Variants in LRP4 observed in about 807,000 individuals in gnomAD.
LRP4 encodes the protein LDL receptor related protein 4, also known as low-density lipoprotein receptor-related protein 4.
LRP4 carries 95 observed loss-of-function variants against 220.3 expected under a neutral mutation model. That is an observed-to-expected ratio of 0.43 (90% CI 0.37 to 0.51). The LOEUF is 0.51. LRP4 is among the 20% of genes least tolerant of loss of function. LRP4 has a pLI of 0.00. For missense variants in LRP4, 1,925 were observed against 2,567.0 expected, an observed-to-expected ratio of 0.75 and a Z score of 5.40; for synonymous variants, 903 against 954.6, an observed-to-expected ratio of 0.95 and a Z score of 1.00.
rs941528413 is a variant in LRP4 at position 46,869,370 on chromosome 11, C to G, written c.4693-238G>C. ...CACCTTATAGTCACTTGCCCAAGTA[C>G]ATTTTTACACTCAAGCAATTTGTTT... On this transcript the variant is annotated intron_variant, in intron 31 of 37. Coordinates refer to ENST00000378623, the MANE Select transcript of LRP4 (RefSeq NM_002334.4). 3.3e-5 allele frequency among the ~76,000 whole-genome samples: 5 copies of G among 152,198 alleles called. 1 individual carries two copies. Among genetic ancestry groups the G allele is most frequent in the Admixed American group, 1.3e-4 (2 of 15,280 alleles).
At chr11:46,868,939 AC>A (rs1337749968) in intron 32 of LRP4, 48 bp downstream of exon 32, 2 of 1,613,312 alleles carry the variant, frequency 1.2e-6, no homozygotes, top group Admixed American at 1.7e-5. Flanking sequence ...GGGTTGACCG[AC>A]CAATCCCACA....
intron 1 of LRP4, among the ~76,000 whole-genome samples, chr11:46,904,514 T>C (rs1320618793): frequency 9.1e-5 from 12 of 131,270 alleles, no homozygotes; most frequent in Non-Finnish European, 1.6e-4. Flanking sequence ...GACAGACGGA[T>C]GGATGGATGG....
Position 46,889,376 on chromosome 11 carries a change from G to A in LRP4, c.2215+35C>T, listed in dbSNP as rs1941369476. The stretch of plus-strand genomic sequence containing the variant: ...GTTCCTTCTCCCCATCCTCACAACA[G>A]CCTCCATGGAGGCTGGTGTTGCAGA... On this transcript the variant is annotated intron_variant, in intron 16 of 37. Coordinates refer to ENST00000378623, the MANE Select transcript of LRP4 (RefSeq NM_002334.4). 4 of 1,612,830 alleles carry A rather than the reference G, an allele frequency of 2.5e-6. No individual in the cohort carries two copies. In the East Asian group the frequency reaches 8.9e-5, roughly 36 times the overall value.
At chr11:46,900,972 T>A (rs1211716932) in intron 2 of LRP4, among the ~76,000 whole-genome samples, 1 of 152,048 alleles carries the variant, frequency 6.6e-6, no homozygotes, top group African/African-American at 2.4e-5. Context: ...TTGTGTGTAT[T>A]TTTAGTAGAG....
chr11:46,862,887 TC>T lies in LRP4; in HGVS notation c.5244-141del. 5 of 735,544 alleles carry T rather than the reference TC, an allele frequency of 6.8e-6. No individual in the cohort carries two copies. The Middle Eastern group carries it at 9.3e-4, about 137-fold the overall frequency. 45.6% of individuals were successfully genotyped at this position (735,544 alleles called of 1,614,324 possible). ...TTCCTGGTACTCATGCCCTTAAGAATCCCCTCCCCTTGAGTGTGGACTGTTC... is the reference window on the plus strand; with the variant it reads ...TTCCTGGTACTCATGCCCTTAAGAATCCCTCCCCTTGAGTGTGGACTGTTC... On this transcript the variant is annotated intron_variant, in intron 36 of 37. Transcript: ENST00000378623.
chr11:46,888,564 A>AG (rs1941350947), intron 16 of LRP4, among the ~76,000 whole-genome samples: 2 of 133,990 alleles, frequency 1.5e-5, no homozygotes, highest in African/African-American at 3.6e-5. Context: ...AAAAAAAAAA[A>AG]AAAAAAAAAG....
At chr11:46,916,161 G>A (rs1438547148) in intron 1 of LRP4, among the ~76,000 whole-genome samples, 7 of 152,094 alleles carry the variant, frequency 4.6e-5, no homozygotes, top group South Asian at 2.1e-4. Flanking sequence ...AACCTGGGCC[G>A]GACACAGTGG....
chr11:46,884,514 A>C (rs1292711620), intron 18 of LRP4, among the ~76,000 whole-genome samples: 1 of 152,008 alleles, frequency 6.6e-6, no homozygotes, highest in Non-Finnish European at 1.5e-5. Context: ...AGGCGGGTGG[A>C]TCACGAGATT....
chr11:46,877,427 C>G, intron 22 of LRP4, 88 bp from the exon 23 acceptor site: 1 of 1,352,142 alleles, frequency 7.4e-7, no homozygotes, highest in East Asian at 2.3e-5. Context: ...CATGCCCTGT[C>G]CCTGCTAGTT....
chr11:46,878,925 C>A lies in LRP4; in HGVS notation c.3118G>T (p.Gly1040Cys). ...CPTGINLLSD[G>C]KTCSPGMNSF... is the part of the protein sequence containing the mutation. Reference sequence around the variant, plus strand: ...CACTCACCTGGTGAGCAGGTCTTGCCATCAGACAGCAGGTTGATGCCTGTG... The same window carrying A: ...CACTCACCTGGTGAGCAGGTCTTGCAATCAGACAGCAGGTTGATGCCTGTG... Residue 1040 changes from glycine to cysteine, a missense_variant, in exon 22 of 38, where the codon GGC becomes TGC. Around this residue, in one of 3 missense-constraint regions of LRP4, gnomAD observed 1,244 missense variants for 1,624.9 expected, o/e 0.77. Transcript: ENST00000378623. The A allele has an allele frequency of 6.2e-7, 1 of 1,614,164 alleles. No homozygotes were observed.
chr11:46,905,809 GC>G (rs1941750093), intron 1 of LRP4, among the ~76,000 whole-genome samples: 1 of 149,800 alleles, frequency 6.7e-6, no homozygotes, highest in Non-Finnish European at 1.5e-5. Context: ...GGGAGATCAT[GC>G]CATTGCACTC....
intron 10 of LRP4, 66 bp downstream of exon 10, chr11:46,895,818 C>T (rs1220074033): frequency 4.4e-6 from 7 of 1,600,454 alleles, no homozygotes; most frequent in Non-Finnish European, 5.9e-6. Context: ...CCATAGGAAA[C>T]ACAGCTGCCT....
rs753676430 is a variant in LRP4, at chr11:46,873,377, C to T, written c.4446G>A (p.Lys1482=). The stretch of plus-strand genomic sequence containing the variant: ...TCTTCTGCTGGCCATAAACTTACCC[C>T]TTCCTGGGGAAAACAGCAATGGCCC... ...EPRAIAVFPR[K]GYLFWTDWGH... Residue 1482 remains lysine (K), a splice_region_variant and synonymous_variant, in exon 29 of 38, where the codon AAG becomes AAA. Coordinates refer to ENST00000378623, the MANE Select transcript of LRP4 (RefSeq NM_002334.4). The surrounding 1 kb of genome is among the most constrained non-coding windows in gnomAD (Gnocchi z 4.2). The T allele has an allele frequency of 6.2e-7, 1 of 1,614,168 alleles. No individual in the cohort carries two copies. Among genetic ancestry groups the T allele is most frequent in the African/African-American group, 1.3e-5 (1 of 75,064 alleles).
Position 46,890,200 on chromosome 11 carries a change from C to T in LRP4, c.1915+77G>A. The T allele has an allele frequency of 1.2e-6, 2 of 1,607,268 alleles. No homozygotes were observed. The highest frequency in any genetic ancestry group is 8.5e-7 in the Non-Finnish European group (1 of 1,174,036). On this transcript the variant is annotated intron_variant, in intron 14 of 37. Coordinates refer to ENST00000378623, the MANE Select transcript of LRP4 (RefSeq NM_002334.4). The surrounding 1 kb of genome is among the most constrained non-coding windows in gnomAD (Gnocchi z 5.3). Reference sequence around the variant, plus strand: ...GCCCAGGCCTGGCAACTACACAAAACCTCTACCAAGGCTCCTGGGGGGCAG... The same window carrying T: ...GCCCAGGCCTGGCAACTACACAAAATCTCTACCAAGGCTCCTGGGGGGCAG...
chr11:46,887,957 GTGAGC>G (rs1408463382), intron 16 of LRP4, among the ~76,000 whole-genome samples: 5 of 137,024 alleles, frequency 3.6e-5, no homozygotes, highest in Admixed American at 3.2e-4. Flanking sequence ...CGAAGCTGCA[GTGAGC>G]ACTGTTTACA....
chr11:46,874,923 AGT>A lies in LRP4; in HGVS notation c.4104_4105del (p.Leu1369GlyfsTer4). 6.2e-7 allele frequency: 1 copy of A among 1,614,214 alleles called. No homozygotes were observed. On this transcript the variant is annotated frameshift_variant, in exon 28 of 38. Transcript: ENST00000378623. LOFTEE classifies it high-confidence loss of function. ...CACATCGGTGTGGTCACTGGTGTCCAGTGAGATACGCCGGATGGAGCCACGGC... is the reference window on the plus strand; with the variant it reads ...CACATCGGTGTGGTCACTGGTGTCCAGAGATACGCCGGATGGAGCCACGGC...
chr11:46,897,978 A>ATTGTCTTGTTTTTTGAGATGTCATCT, intron 7 of LRP4, among the ~76,000 whole-genome samples: 1 of 150,572 alleles, frequency 6.6e-6, no homozygotes, highest in South Asian at 2.1e-4. Flanking sequence ...CACCTCCCGG[A>ATTGTCTTGTTTTTTGAGATGTCATCT]CGGGGCGGCT....
In LRP4 at chr11:46,875,298, T is replaced by C. The variant is rs1940980618; in HGVS notation, c.3925+158A>G. Among the ~76,000 whole-genome samples the C allele has an allele frequency of 6.6e-6, 1 of 152,044 alleles. No homozygotes were observed. The highest frequency in any genetic ancestry group is 2.4e-5 in the African/African-American group (1 of 41,412). On this transcript the variant is annotated intron_variant, in intron 27 of 37. Coordinates refer to ENST00000378623, the MANE Select transcript of LRP4 (RefSeq NM_002334.4). This position sits in a 1 kb window ranked among gnomAD's most constrained non-coding sequence, Gnocchi z 4.5. ...AAGGTGACAGCTGTAGTACCAGCCA[T>C]ACCCAGAGAGAACACAGCCCAATCT...
rs2134853133 is a variant in LRP4, at chr11:46,895,921, T to C, written c.1146A>G (p.Thr382=). ...GCCCATCCTCTGTGAGCCGGTAGCC[T>C]GTGTGGCAGGTACACTGCACTGCCC... ...VRGAVQCTCH[T]GYRLTEDGHT... The change falls in exon 10 of 38, where the codon ACA becomes ACG. Residue 382 remains threonine, a synonymous_variant. Transcript: ENST00000378623. 1.9e-6 allele frequency: 3 copies of C among 1,613,906 alleles called. No individual in the cohort carries two copies. The highest frequency in any genetic ancestry group is 8.5e-7 in the Non-Finnish European group (1 of 1,180,008).
Sources: gnomAD v4.1 joint callset for allele counts (sites outside exome capture counted in the v4.1 genomes callset) on GRCh38, gnomAD v4.1.1 for gene constraint, gnomAD v4.1.1 regional missense constraint, Gnocchi (gnomAD v3.1) non-coding constraint, MANE v1.5 for transcripts, NCBI Gene and HGNC (gene_info 2026-07-23, HGNC 2026-07-21) for gene names.